The following ZFAND3 variants were observed in gnomAD, a reference collection of about 807,000 sequenced individuals.
ZFAND3 encodes AN1-type zinc finger protein 3.
A neutral mutation model predicts 29.6 loss-of-function variants in ZFAND3; 10 were observed. The observed-to-expected ratio is 0.34, with a 90% CI of 0.21 to 0.57. The LOEUF (loss-of-function observed/expected upper bound fraction) is 0.57, where lower values mean the gene tolerates loss of function less well. Ranked by LOEUF, ZFAND3 falls within the 20% of genes least tolerant of loss-of-function variation. ZFAND3 has a pLI of 0.86. For synonymous variants in ZFAND3, 128 were observed against 112.6 expected (o/e 1.14, Z -0.87); for missense variants, 230 against 304.5 (o/e 0.76, Z 1.82).
chr6:37,901,392 G>A lies in ZFAND3; in HGVS notation c.72-28567G>A, dbSNP rs75848830. On this transcript the variant is annotated intron_variant, in intron 1 of 5. Transcript: ENST00000287218. ...TGTGGTGGCTCCCGCTTGTAATCCC[G>A]ACACTTGAACTGAAGTTCGAGACCA... Among the ~76,000 whole-genome samples, 2,424 of 152,168 alleles carry A rather than the reference G, an allele frequency of 0.016. 251 individuals are homozygous for A. In the East Asian group the frequency reaches 0.28, roughly 18 times the overall value.
intron 2 of ZFAND3, among the ~76,000 whole-genome samples, chr6:38,049,467 A>C (rs1392168102): frequency 6.6e-6 from 1 of 152,186 alleles, no homozygotes; most frequent in Non-Finnish European, 1.5e-5. Context: ...AGCAATTAAG[A>C]AATAGAGCCA....
intron 2 of ZFAND3, among the ~76,000 whole-genome samples, chr6:37,949,937 A>G (rs1163166670): frequency 1.3e-5 from 2 of 152,198 alleles, no homozygotes; most frequent in African/African-American, 2.4e-5. Context: ...CCCACAGGGT[A>G]TAGGGTGGGA....
At chr6:38,115,339 C>T (rs1252180458) in intron 4 of ZFAND3, among the ~76,000 whole-genome samples, 3 of 152,136 alleles carry the variant, frequency 2.0e-5, no homozygotes, top group Non-Finnish European at 4.4e-5. Context: ...AGGAGCTGAG[C>T]GTGGGGCAAG....
chr6:37,844,105 T>A (rs1457002997), intron 1 of ZFAND3, among the ~76,000 whole-genome samples: 1 of 151,906 alleles, frequency 6.6e-6, no homozygotes, highest in Non-Finnish European at 1.5e-5. Context: ...TTCTTTTTTT[T>A]GTGAAGACAG....
intron 5 of ZFAND3, among the ~76,000 whole-genome samples, chr6:38,151,731 A>AT (rs1562019391): frequency 1.3e-5 from 2 of 152,126 alleles, no homozygotes; most frequent in Admixed American, 6.5e-5. Context: ...GCTCCCACTC[A>AT]TTTTTGGGTT....
chr6:38,152,551 A>C lies in ZFAND3; in HGVS notation c.*162A>C. On this transcript the variant is annotated 3_prime_UTR_variant, in exon 6 of 6. Coordinates refer to ENST00000287218, the MANE Select transcript of ZFAND3 (RefSeq NM_021943.3). ...TCCTGGTACTGTAGTTTAGGGGTTG[A>C]TGGTGGTTGAAATTGATTTCTGGCT... 1.5e-6 allele frequency: 2 copies of C among 1,290,860 alleles called. No homozygotes were observed. Among genetic ancestry groups the C allele is most frequent in the Non-Finnish European group, 2.0e-6 (2 of 1,019,600 alleles). The allele number at this position is 1,290,860 out of a possible 1,614,324, so 80.0% of individuals were successfully genotyped here. A position where few individuals can be genotyped will look rare whatever the true frequency, so the allele number is the denominator to read the frequency against.
rs542654296 is a variant in ZFAND3 at position 37,860,403 on chromosome 6, TATG to T, written c.71+40391_71+40393del. ...TTGTTAGCCATAAGTATTTTGTGAC[TATG>T]ATGTTAATGAATTTGCACTCCCCCT... On this transcript the variant is annotated intron_variant, in intron 1 of 5. Transcript: ENST00000287218. 3.5e-3 allele frequency among the ~76,000 whole-genome samples: 530 copies of T among 152,234 alleles called. 2 individuals carry two copies. Among genetic ancestry groups the T allele is most frequent in the Non-Finnish European group, 5.6e-3 (383 of 68,020 alleles).
chr6:38,099,513 A>C (rs1023175679), intron 4 of ZFAND3, among the ~76,000 whole-genome samples: 6 of 152,202 alleles, frequency 3.9e-5, no homozygotes, highest in Non-Finnish European at 8.8e-5. Context: ...GCAGAACCAC[A>C]ACTCAGAATT....
At chr6:38,006,460 C>T (rs1429152010) in intron 2 of ZFAND3, among the ~76,000 whole-genome samples, 1 of 152,074 alleles carries the variant, frequency 6.6e-6, no homozygotes, top group Non-Finnish European at 1.5e-5. Flanking sequence ...TTCTGGAACT[C>T]TGCTGTTTCG....
intron 5 of ZFAND3, among the ~76,000 whole-genome samples, chr6:38,131,119 T>C (rs1765733840): frequency 2.0e-5 from 3 of 152,168 alleles, no homozygotes; most frequent in African/African-American, 2.4e-5. Context: ...GTAGCCTTGA[T>C]TGATCCTCTG....
chr6:37,853,852 A>C (rs1213728620), intron 1 of ZFAND3, among the ~76,000 whole-genome samples: 1 of 152,224 alleles, frequency 6.6e-6, no homozygotes, highest in African/African-American at 2.4e-5. Flanking sequence ...GGAAAACACT[A>C]ATCTTACAAT....
intron 1 of ZFAND3, among the ~76,000 whole-genome samples, chr6:37,889,288 T>TGCCAACTTCCGACTC (rs1296160517): frequency 6.6e-6 from 1 of 152,214 alleles, no homozygotes; most frequent in Non-Finnish European, 1.5e-5. Flanking sequence ...TCTGCCACTT[T>TGCCAACTTCCGACTC]GCCAACTTCC....
Position 37,828,048 on chromosome 6 carries a change from G to A in ZFAND3, c.71+8032G>A, listed in dbSNP as rs570323513. Among the ~76,000 whole-genome samples the A allele has an allele frequency of 1.1e-3, 168 of 152,348 alleles. 1 individual carries two copies. Among genetic ancestry groups the A allele is most frequent in the African/African-American group, 3.7e-3 (155 of 41,582 alleles). ...TTTATTTCTGCTGAAGTAGAGTGGT[G>A]TGGAGGAACAGCTGTTGATGTATCT... On this transcript the variant is annotated intron_variant, in intron 1 of 5. Coordinates refer to ENST00000287218, the MANE Select transcript of ZFAND3 (RefSeq NM_021943.3).
At chr6:38,100,612 CAT>C (rs1182480572) in intron 4 of ZFAND3, among the ~76,000 whole-genome samples, 1 of 152,194 alleles carries the variant, frequency 6.6e-6, no homozygotes, top group African/African-American at 2.4e-5. Context: ...CAGCTACAAA[CAT>C]GTTGTCATGT....
chr6:37,895,198 GT>G (rs1335701738), intron 1 of ZFAND3, among the ~76,000 whole-genome samples: 2 of 151,588 alleles, frequency 1.3e-5, no homozygotes, highest in Non-Finnish European at 2.9e-5. Context: ...ATTTTTTACT[GT>G]TTTGTTTTAT....
At chr6:38,021,495 C>A (rs1029771324) in intron 2 of ZFAND3, among the ~76,000 whole-genome samples, 2 of 152,018 alleles carry the variant, frequency 1.3e-5, no homozygotes, top group African/African-American at 4.8e-5. Flanking sequence ...TTTTCATTGA[C>A]TAGGGAAAGT....
At chr6:37,964,987 A>G (rs1451719137) in intron 2 of ZFAND3, among the ~76,000 whole-genome samples, 1 of 152,182 alleles carries the variant, frequency 6.6e-6, no homozygotes, top group Non-Finnish European at 1.5e-5. Context: ...ATATTAGCTT[A>G]TTGTGTGTAA....
chr6:37,883,917 G>A (rs567243768), intron 1 of ZFAND3, among the ~76,000 whole-genome samples: 1 of 145,088 alleles, frequency 6.9e-6, no homozygotes, highest in South Asian at 2.1e-4. Flanking sequence ...CAGGAGATTC[G>A]CCAGGCCTGG....
chr6:38,000,793 G>C (rs1470839647), intron 2 of ZFAND3, among the ~76,000 whole-genome samples: 1 of 152,128 alleles, frequency 6.6e-6, no homozygotes, highest in Non-Finnish European at 1.5e-5. Context: ...CAGACCAACA[G>C]CCATAACTCA....
Sources: allele counts gnomAD v4.1 joint callset (sites outside exome capture counted in the v4.1 genomes callset), GRCh38; gene constraint gnomAD v4.1.1; transcripts MANE v1.5; gene names NCBI Gene and HGNC (gene_info 2026-07-23, HGNC 2026-07-21).